PRELID2: variants seen among roughly 807,000 people sequenced by gnomAD.
PRELID2 encodes PRELI domain containing 2.
PRELID2 carries 25 observed loss-of-function variants against 28.4 expected under a neutral mutation model. The ratio of observed to expected loss-of-function variants is 0.88; its 90% CI spans 0.64 to 1.23. PRELID2 has a LOEUF of 1.23. Ranked by LOEUF, PRELID2 falls within the 50% of genes most tolerant of loss-of-function variation. PRELID2 has a pLI of 0.00. For missense variants in PRELID2, 201 were observed against 214.4 expected, an observed-to-expected ratio of 0.94 and a Z score of 0.39; for synonymous variants, 76 against 71.6, an observed-to-expected ratio of 1.06 and a Z score of -0.31.
the PRELID2 span, among the ~76,000 whole-genome samples, chr5:145,403,449 C>G: frequency 6.6e-6 from 1 of 152,092 alleles, no homozygotes; most frequent in Admixed American, 6.6e-5. Context: ...GCCTGCTTCC[C>G]CCATGCACAG....
chr5:145,267,725 A>G, the PRELID2 span, among the ~76,000 whole-genome samples: 2 of 152,244 alleles, frequency 1.3e-5, no homozygotes, highest in African/African-American at 4.8e-5. Flanking sequence ...GTTTTGGGAA[A>G]CTTTCAAACT....
chr5:145,507,738 C>A (rs1752424662), intron 1 of PRELID2, among the ~76,000 whole-genome samples: 1 of 152,106 alleles, frequency 6.6e-6, no homozygotes, highest in South Asian at 2.1e-4. Flanking sequence ...TCCACATTAA[C>A]CCTAAATGAT....
At chr5:145,677,554 A>G (rs1754845040) in intron 1 of PRELID2, among the ~76,000 whole-genome samples, 1 of 152,188 alleles carries the variant, frequency 6.6e-6, no homozygotes, top group Admixed American at 6.5e-5. Context: ...CTAGAGGTAG[A>G]GGGGTTAGCA....
chr5:145,362,033 T>A, the PRELID2 span, among the ~76,000 whole-genome samples: 5 of 152,310 alleles, frequency 3.3e-5, no homozygotes, highest in East Asian at 9.7e-4. Context: ...GATGATGATA[T>A]GTTTATGGCA....
chr5:145,308,927 T>C, the PRELID2 span, among the ~76,000 whole-genome samples: 2 of 152,164 alleles, frequency 1.3e-5, no homozygotes, highest in African/African-American at 2.4e-5. Context: ...CTGTATTCCT[T>C]GGCCTCACTC....
the PRELID2 span, among the ~76,000 whole-genome samples, chr5:145,365,952 T>C: frequency 6.6e-6 from 1 of 152,018 alleles, no homozygotes; most frequent in African/African-American, 2.4e-5. Context: ...ATAAGTGGTA[T>C]AAAAAAGGCT....
At chr5:145,776,859 A>G (rs1758441428) in intron 5 of PRELID2, among the ~76,000 whole-genome samples, 1 of 152,250 alleles carries the variant, frequency 6.6e-6, no homozygotes, top group African/African-American at 2.4e-5. Flanking sequence ...ATGTATTATT[A>G]TCTCCCACAT....
chr5:145,791,871 G>GT (rs1752418917), intron 5 of PRELID2, among the ~76,000 whole-genome samples: 1 of 152,148 alleles, frequency 6.6e-6, no homozygotes, highest in South Asian at 2.1e-4. Context: ...GTAAAAATGG[G>GT]TGAAACGTTA....
At chr5:145,473,429 C>T (rs533049435) in intron 1 of PRELID2, 1 of 152,232 alleles carries the variant, frequency 6.6e-6, no homozygotes, top group Admixed American at 6.5e-5. Context: ...TTATCATCAT[C>T]ATCATCTTAT....
the PRELID2 span, among the ~76,000 whole-genome samples, chr5:145,384,400 T>A: frequency 6.6e-6 from 1 of 152,196 alleles, no homozygotes; most frequent in Non-Finnish European, 1.5e-5. Context: ...AATATATTCA[T>A]ACAATGGAAT....
the PRELID2 span, among the ~76,000 whole-genome samples, chr5:145,306,831 C>T: frequency 6.6e-6 from 1 of 152,142 alleles, no homozygotes; most frequent in Non-Finnish European, 1.5e-5. Flanking sequence ...ACACATGCTT[C>T]ATAAGTTACT....
chr5:145,678,286 C>T (rs1285057649), intron 1 of PRELID2, among the ~76,000 whole-genome samples: 1 of 152,194 alleles, frequency 6.6e-6, no homozygotes, highest in African/African-American at 2.4e-5. Context: ...ACCTCCCTGT[C>T]CCATGCCTTT....
intron 4 of PRELID2, among the ~76,000 whole-genome samples, chr5:145,806,332 G>C (rs1753506241): frequency 6.6e-6 from 1 of 150,650 alleles, no homozygotes; most frequent in Non-Finnish European, 1.5e-5. Flanking sequence ...AAATATTTTT[G>C]TTAAAAACAC....
chr5:145,420,942 AG>A, the PRELID2 span, among the ~76,000 whole-genome samples: 12 of 118,342 alleles, frequency 1.0e-4, no homozygotes, highest in Non-Finnish European at 1.6e-4. Context: ...TTTAGCATGA[AG>A]GGTTGTTGAA....
the PRELID2 span, among the ~76,000 whole-genome samples, chr5:145,398,500 C>T: frequency 6.6e-6 from 1 of 152,096 alleles, no homozygotes; most frequent in African/African-American, 2.4e-5. Context: ...AAACCCTCTG[C>T]ATACCAGTTT....
the PRELID2 span, among the ~76,000 whole-genome samples, chr5:145,423,957 G>C: frequency 7.3e-5 from 11 of 150,894 alleles, no homozygotes; most frequent in South Asian, 4.2e-4. Flanking sequence ...TTCTAACAGA[G>C]AGGACCCTCA....
chr5:145,534,570 C>A (rs73307648), intron 1 of PRELID2, among the ~76,000 whole-genome samples: 1,554 of 152,092 alleles, frequency 0.01, 29 homozygotes, highest in African/African-American at 0.035. Context: ...CTGGCTCCCT[C>A]CTCACCAGTA....
intron 1 of PRELID2, among the ~76,000 whole-genome samples, chr5:145,571,990 A>AAAG (rs1554076817): frequency 2.6e-5 from 4 of 151,204 alleles, no homozygotes; most frequent in African/African-American, 9.8e-5. Context: ...TCAAAAAAAA[A>AAAG]AAAGAAAGAA....
At chr5:145,638,127 C>T (rs542944227) in intron 1 of PRELID2, among the ~76,000 whole-genome samples, 1 of 152,252 alleles carries the variant, frequency 6.6e-6, no homozygotes, top group Non-Finnish European at 1.5e-5. Flanking sequence ...TCTTAATATA[C>T]TTCACAACTG....
Sources: allele counts gnomAD v4.1 joint callset (sites outside exome capture counted in the v4.1 genomes callset), GRCh38; gene constraint gnomAD v4.1.1; transcripts MANE v1.5; gene names NCBI Gene and HGNC (gene_info 2026-07-23, HGNC 2026-07-21).